FIGN: variants seen among roughly 807,000 people sequenced by gnomAD.
FIGN encodes the protein fidgetin.
A neutral mutation model predicts 51.3 loss-of-function variants in FIGN; 11 were observed. The ratio of observed to expected loss-of-function variants is 0.21; its 90% confidence interval spans 0.13 to 0.35. The LOEUF is 0.35. Ranked by LOEUF, FIGN falls within the 10% of genes least tolerant of loss-of-function variation. The pLI is 1.00. For missense variants in FIGN, 857 were observed against 943.6 expected (o/e 0.91, Z 1.20); for synonymous variants, 407 against 363.2 (o/e 1.12, Z -1.37).
At chr2:163,674,422 G>A (rs1478759882) in intron 2 of FIGN, among the ~76,000 whole-genome samples, 2 of 152,182 alleles carry the variant, frequency 1.3e-5, no homozygotes, top group Admixed American at 1.3e-4. Flanking sequence ...GGGATTCCCA[G>A]CCTGAAGAGT....
At chr2:163,643,239 A>AT (rs1422435138) in intron 2 of FIGN, among the ~76,000 whole-genome samples, 1 of 152,234 alleles carries the variant, frequency 6.6e-6, no homozygotes, top group Non-Finnish European at 1.5e-5. Flanking sequence ...TTTATGGGCA[A>AT]CTGATTTTCT....
At chr2:163,660,467 A>G (rs1421980601) in intron 2 of FIGN, among the ~76,000 whole-genome samples, 2 of 151,958 alleles carry the variant, frequency 1.3e-5, no homozygotes, top group African/African-American at 2.4e-5. Flanking sequence ...CTGACAACAT[A>G]TCAATTAATA....
chr2:163,611,346 A>G lies in FIGN; in HGVS notation c.486T>C (p.Ser162=), dbSNP rs765352180. The change falls in exon 3 of 3, where the codon AGT becomes AGC. Residue 162 remains serine (S), a synonymous_variant. Coordinates refer to ENST00000333129, the MANE Select transcript of FIGN (RefSeq NM_018086.4). ...GGCTTCCACAGGTACTACTTGAATA[A>G]CTAGGTTCTGTCAGGTTGCTGGCTA... is the stretch of plus-strand genomic sequence containing the variant. ...PGVASNLTEP[S]YSSSTCGSHT... 6.2e-7 allele frequency: 1 copy of G among 1,614,132 alleles called. No individual in the cohort carries two copies. The highest frequency in any genetic ancestry group is 1.7e-5 in the Admixed American group (1 of 60,016).
intron 2 of FIGN, among the ~76,000 whole-genome samples, chr2:163,626,307 T>A (rs1183884573): frequency 6.6e-6 from 1 of 152,124 alleles, no homozygotes; most frequent in African/African-American, 2.4e-5. Flanking sequence ...CGGATAAAAC[T>A]ACTACAAAAC....
chr2:163,612,191 C>G (rs1471909544), intron 2 of FIGN: 2 of 476,190 alleles, frequency 4.2e-6, no homozygotes, highest in Non-Finnish European at 5.5e-6. Context: ...TTAAAATAAG[C>G]AGACATTTTA....
chr2:163,727,136 A>T (rs1684850347), intron 2 of FIGN, among the ~76,000 whole-genome samples: 1 of 152,136 alleles, frequency 6.6e-6, no homozygotes, highest in Admixed American at 6.5e-5. Context: ...ATGAAAAATA[A>T]AAAAGCTCTT....
chr2:163,686,787 C>CA (rs1684157526), intron 2 of FIGN, among the ~76,000 whole-genome samples: 1 of 151,210 alleles, frequency 6.6e-6, no homozygotes, highest in South Asian at 2.1e-4. Flanking sequence ...TACACACACA[C>CA]ACACACACAT....
intron 2 of FIGN, among the ~76,000 whole-genome samples, chr2:163,655,382 C>A (rs776945668): frequency 6.6e-6 from 1 of 152,142 alleles, no homozygotes; most frequent in East Asian, 1.9e-4. Flanking sequence ...TGTGCTATGA[C>A]TCTAAAGGTT....
intron 2 of FIGN, among the ~76,000 whole-genome samples, chr2:163,704,081 A>T (rs890556367): frequency 2.8e-4 from 42 of 152,140 alleles, no homozygotes; most frequent in African/African-American, 9.9e-4. Flanking sequence ...GAGTTTTCCT[A>T]AATTAGATTA....
intron 2 of FIGN, among the ~76,000 whole-genome samples, chr2:163,633,095 G>T (rs1226948662): frequency 6.6e-6 from 1 of 152,038 alleles, no homozygotes; most frequent in Admixed American, 6.6e-5. Flanking sequence ...GAGATGGGAG[G>T]ATTGCTTGAG....
intron 2 of FIGN, among the ~76,000 whole-genome samples, chr2:163,674,898 GAGA>G (rs895965815): frequency 5.9e-5 from 9 of 152,100 alleles, no homozygotes; most frequent in Non-Finnish European, 7.4e-5. Context: ...ATGGCTTTCT[GAGA>G]AGAAGTATGG....
chr2:163,657,497 A>AGTCTGTGTGTGTGTGT (rs1341361528), intron 2 of FIGN, among the ~76,000 whole-genome samples: 74 of 82,376 alleles, frequency 9.0e-4, no homozygotes, highest in African/African-American at 3.1e-3. Flanking sequence ...TGTCAGAGGG[A>AGTCTGTGTGTGTGTGT]GTCTGTGTGT....
rs554546129 is a variant in FIGN at position 163,696,605 on chromosome 2, T to G, written c.25+38298A>C. Among the ~76,000 whole-genome samples, 204 of 152,262 alleles carry G rather than the reference T, an allele frequency of 1.3e-3. 1 individual carries two copies. The highest frequency in any genetic ancestry group is 4.6e-3 in the African/African-American group (190 of 41,560). On this transcript the variant is annotated intron_variant, in intron 2 of 2. Coordinates refer to ENST00000333129, the MANE Select transcript of FIGN (RefSeq NM_018086.4). ...ACACTGTGTCACTTATTCCTTCTTA[T>G]AATCCTGTGAGATAGTGTTATGATC...
Position 163,620,665 on chromosome 2 carries a change from G to C in FIGN, c.26-8859C>G, listed in dbSNP as rs1682952969. On this transcript the variant is annotated intron_variant, in intron 2 of 2. Transcript: ENST00000333129. Reference sequence around the variant, plus strand: ...GATAATAATTATCATCATCCTAAAAGTCTGAGGTTATTCCAGTTGATTCTC... The same window carrying C: ...GATAATAATTATCATCATCCTAAAACTCTGAGGTTATTCCAGTTGATTCTC... Among the ~76,000 whole-genome samples the C allele has an allele frequency of 2.0e-5, 3 of 152,182 alleles. 1 individual carries two copies. In the South Asian group the frequency reaches 6.2e-4, roughly 32 times the overall value.
intron 2 of FIGN, among the ~76,000 whole-genome samples, chr2:163,663,079 C>T (rs1683715604): frequency 1.3e-5 from 2 of 151,930 alleles, no homozygotes; most frequent in Admixed American, 1.3e-4. Flanking sequence ...TGTTCACTGG[C>T]TAATTTTTTT....
intron 2 of FIGN, among the ~76,000 whole-genome samples, chr2:163,682,461 G>C (rs186669175): frequency 6.6e-6 from 1 of 152,208 alleles, no homozygotes; most frequent in Non-Finnish European, 1.5e-5. Context: ...CGTGGCAAAA[G>C]TCATGCACTT....
intron 2 of FIGN, among the ~76,000 whole-genome samples, chr2:163,647,014 A>G (rs914211003): frequency 6.6e-6 from 1 of 152,210 alleles, no homozygotes; most frequent in African/African-American, 2.4e-5. Context: ...GACAACACCA[A>G]CCTAGCAATA....
At position 163,617,056 on chromosome 2, in the gene FIGN, T is replaced by C. The variant is rs1053694451; in HGVS notation, c.26-5250A>G. On this transcript the variant is annotated intron_variant, in intron 2 of 2. Transcript: ENST00000333129. ...TTGAGGAGACTAATGCAGCCTTGTC[T>C]ACTCATCCTCATAAGCCAAGAGGCC... is the stretch of plus-strand genomic sequence containing the variant. 4.2e-6 allele frequency: 4 copies of C among 957,926 alleles called. No homozygotes were observed. The African/African-American group carries it at 7.1e-5, about 17-fold the overall frequency. 59.3% of individuals were successfully genotyped at this position (957,926 alleles called of 1,614,324 possible). A position where few individuals can be genotyped will look rare whatever the true frequency, so the allele number is the denominator to read the frequency against.
intron 2 of FIGN, among the ~76,000 whole-genome samples, chr2:163,679,365 G>A (rs7582093): frequency 0.16 from 24,067 of 151,978 alleles, 2,552 homozygotes; most frequent in Admixed American, 0.25. Context: ...GCATGGTGGC[G>A]GGCGCCTGTA....
Sources: gnomAD v4.1 joint callset for allele counts (sites outside exome capture counted in the v4.1 genomes callset) on GRCh38, gnomAD v4.1.1 for gene constraint, MANE v1.5 for transcripts, NCBI Gene and HGNC (gene_info 2026-07-23, HGNC 2026-07-21) for gene names.